The following PRKCB variants were observed in gnomAD, a reference collection of about 807,000 sequenced individuals.
PRKCB encodes protein kinase C beta.
In PRKCB, 13 loss-of-function variants were observed where a neutral mutation model predicts 81.5. The observed-to-expected ratio is 0.16, with a 90% CI of 0.10 to 0.25. The LOEUF is 0.25. PRKCB is among the 10% of genes least tolerant of loss of function. The probability of loss-of-function intolerance (pLI) is 1.00; values close to 1 mark genes in which losing one functional copy is unlikely to be tolerated. For synonymous variants in PRKCB, 335 were observed against 321.4 expected, an observed-to-expected ratio of 1.04 and a Z score of -0.45; for missense variants, 509 against 875.7, an observed-to-expected ratio of 0.58 and a Z score of 5.29.
In PRKCB at chr16:24,220,231, T is replaced by C. The variant is rs563551037; in HGVS notation, c.*5415T>C. ...GCTGGCATTCAACATGTGGAAAGCT[T>C]GTCTTAGAGGGCTTTTCTTTGTATG... On this transcript the variant is annotated 3_prime_UTR_variant, in exon 17 of 17. Transcript: ENST00000643927. The C allele has an allele frequency of 5.4e-6, 7 of 1,285,178 alleles. No homozygotes were observed. The highest frequency in any genetic ancestry group is 7.5e-6 in the Non-Finnish European group (7 of 929,892). 79.6% of individuals were successfully genotyped at this position (1,285,178 alleles called of 1,614,324 possible). A position where few individuals can be genotyped will look rare whatever the true frequency, so the allele number is the denominator to read the frequency against.
intron 3 of PRKCB, among the ~76,000 whole-genome samples, chr16:24,022,211 G>A (rs1324521884): frequency 1.3e-5 from 2 of 152,126 alleles, no homozygotes; most frequent in Non-Finnish European, 2.9e-5. Flanking sequence ...TAGGGGATGT[G>A]TTCACATGGG....
At chr16:23,960,810 C>G (rs1964415484) in intron 2 of PRKCB, among the ~76,000 whole-genome samples, 1 of 152,254 alleles carries the variant, frequency 6.6e-6, no homozygotes, top group Non-Finnish European at 1.5e-5. Context: ...TCACCTCTCA[C>G]AGAAGCTGTT....
intron 9 of PRKCB, among the ~76,000 whole-genome samples, chr16:24,135,483 T>G (rs2141939044): frequency 6.6e-6 from 1 of 151,878 alleles, no homozygotes; most frequent in South Asian, 2.1e-4. Flanking sequence ...CAAGTAATTT[T>G]TATGTTTTTA....
rs1333763166 is a variant in PRKCB at position 24,035,435 on chromosome 16, G to A, written c.417G>A (p.Val139=). ...GMKCDTCMMN[V]HKRCVMNVPS... ...CCCTCACAGCCTGCATGATGAATGT[G>A]CACAAGCGCTGCGTGATGAATGTTC... The change falls in exon 5 of 17, where the codon GTG becomes GTA. Residue 139 remains valine, a synonymous_variant. Coordinates refer to ENST00000643927, the MANE Select transcript of PRKCB (RefSeq NM_002738.7). The A allele has an allele frequency of 3.1e-6, 5 of 1,613,868 alleles. No individual in the cohort carries two copies. In the South Asian group the frequency reaches 3.3e-5, roughly 11 times the overall value.
chr16:23,849,791 A>T (rs1962442446), intron 2 of PRKCB, among the ~76,000 whole-genome samples: 1 of 152,242 alleles, frequency 6.6e-6, no homozygotes, highest in Non-Finnish European at 1.5e-5. Context: ...TGGTTAATTC[A>T]AACTAATTAA....
At chr16:23,873,752 TG>T (rs1352148528) in intron 2 of PRKCB, among the ~76,000 whole-genome samples, 2 of 152,262 alleles carry the variant, frequency 1.3e-5, no homozygotes, top group African/African-American at 4.8e-5. Context: ...CAGGAAAGTC[TG>T]CCAGGCATGA....
chr16:23,881,132 C>T (rs144415942), intron 2 of PRKCB, among the ~76,000 whole-genome samples: 182 of 152,242 alleles, frequency 1.2e-3, no homozygotes, highest in African/African-American at 4.3e-3. Context: ...CCTCTTCACT[C>T]TGTGATGCTC....
At chr16:24,080,981 A>C (rs1596540055) in intron 5 of PRKCB, among the ~76,000 whole-genome samples, 1 of 152,306 alleles carries the variant, frequency 6.6e-6, no homozygotes, top group Non-Finnish European at 1.5e-5. Context: ...CCAAAACCAG[A>C]CAAAAATAGT....
chr16:23,907,810 C>G (rs1282068303), intron 2 of PRKCB, among the ~76,000 whole-genome samples: 1 of 152,186 alleles, frequency 6.6e-6, no homozygotes, highest in Non-Finnish European at 1.5e-5. Flanking sequence ...TGCAAAACTC[C>G]CTAGGACCTG....
chr16:24,028,425 C>T (rs1965511028), intron 3 of PRKCB, among the ~76,000 whole-genome samples: 1 of 152,210 alleles, frequency 6.6e-6, no homozygotes. Flanking sequence ...TAAAATTCAT[C>T]ACAGTTAATA....
intron 2 of PRKCB, among the ~76,000 whole-genome samples, chr16:23,960,925 G>A (rs1483068664): frequency 6.6e-6 from 1 of 152,222 alleles, no homozygotes; most frequent in Non-Finnish European, 1.5e-5. Context: ...CCTCCTTGTG[G>A]CAATGCCACT....
intron 3 of PRKCB, among the ~76,000 whole-genome samples, chr16:23,991,495 A>G (rs1964885194): frequency 6.6e-6 from 1 of 152,278 alleles, no homozygotes; most frequent in South Asian, 2.1e-4. Flanking sequence ...TTGATACTCA[A>G]CTTGCAGCCA....
chr16:24,046,640 G>T (rs1473597567), intron 5 of PRKCB, among the ~76,000 whole-genome samples: 1 of 152,072 alleles, frequency 6.6e-6, no homozygotes, highest in Non-Finnish European at 1.5e-5. Flanking sequence ...GAGTGAAGCA[G>T]CAGGCTTGTG....
At chr16:24,021,188 CTCTTTCTTTCTT>C (rs58292773) in intron 3 of PRKCB, among the ~76,000 whole-genome samples, 990 of 62,110 alleles carry the variant, frequency 0.016, 28 homozygotes, top group Middle Eastern at 0.046. Flanking sequence ...CCCTTCCTTC[CTCTTTCTTTCTT>C]TCTTTCTTTC....
chr16:24,193,672 G>A (rs908359372), intron 16 of PRKCB, among the ~76,000 whole-genome samples: 1 of 152,038 alleles, frequency 6.6e-6, no homozygotes, highest in Non-Finnish European at 1.5e-5. Context: ...AGGGCATGGG[G>A]TGATGGCTTC....
intron 9 of PRKCB, among the ~76,000 whole-genome samples, chr16:24,132,622 C>T (rs2141936464): frequency 6.6e-6 from 1 of 152,276 alleles, no homozygotes; most frequent in East Asian, 1.9e-4. Context: ...TTCATTAGCT[C>T]ACACTTACTC....
intron 5 of PRKCB, among the ~76,000 whole-genome samples, chr16:24,067,395 G>A (rs1208041760): frequency 6.6e-6 from 1 of 150,856 alleles, no homozygotes; most frequent in Non-Finnish European, 1.5e-5. Flanking sequence ...TACCTCCTGG[G>A]CTCAAGCAAT....
chr16:23,972,529 T>C (rs1964571432), intron 2 of PRKCB, among the ~76,000 whole-genome samples: 1 of 152,218 alleles, frequency 6.6e-6, no homozygotes, highest in Non-Finnish European at 1.5e-5. Context: ...TTTTTTCCTG[T>C]ACTTAGGTTT....
At chr16:24,064,734 A>G (rs115265970) in intron 5 of PRKCB, among the ~76,000 whole-genome samples, 2,345 of 151,872 alleles carry the variant, frequency 0.015, 56 homozygotes, top group African/African-American at 0.053. Flanking sequence ...TTTGGTTTGT[A>G]TATTTTGAAG....
Sources: allele counts gnomAD v4.1 joint callset (sites outside exome capture counted in the v4.1 genomes callset), GRCh38; gene constraint gnomAD v4.1.1; transcripts MANE v1.5; gene names NCBI Gene and HGNC (gene_info 2026-07-23, HGNC 2026-07-21).